Variants in USP49 observed in about 807,000 individuals in gnomAD.
The protein encoded by USP49 is ubiquitin specific peptidase 49.
USP49 carries 24 observed loss-of-function variants against 58.6 expected under a neutral mutation model. The observed-to-expected ratio is 0.41, with a 90% CI of 0.30 to 0.58. The LOEUF is 0.58. Ranked by LOEUF, USP49 falls within the 20% of genes least tolerant of loss-of-function variation. The pLI is 0.30. For synonymous variants in USP49, 408 were observed against 365.1 expected, an observed-to-expected ratio of 1.12 and a Z score of -1.34; for missense variants, 703 against 866.1, an observed-to-expected ratio of 0.81 and a Z score of 2.36.
At chr6:41,809,440 G>A (rs1376430651) in intron 3 of USP49, among the ~76,000 whole-genome samples, 2 of 151,918 alleles carry the variant, frequency 1.3e-5, no homozygotes, top group East Asian at 2.0e-4. Context: ...CAGGCGAATC[G>A]CTAGAACCTA....
Position 41,795,353 on chromosome 6 carries a change from G to GA in USP49, c.*1179dup, listed in dbSNP as rs1180874917. ...AAGATGTATTTTACTAGCACTGGGGGAAAGGACGGGGCACTCTTGTTTTTT... is the reference window on the plus strand; with the variant it reads ...AAGATGTATTTTACTAGCACTGGGGGAAAAGGACGGGGCACTCTTGTTTTTT... On this transcript the variant is annotated 3_prime_UTR_variant, in exon 8 of 8. Transcript: ENST00000682992. 2.6e-5 allele frequency: 4 copies of GA among 152,230 alleles called. No individual in the cohort carries two copies. The highest frequency in any genetic ancestry group is 6.5e-5 in the Admixed American group (1 of 15,280). The allele number at this position is 152,230 out of a possible 1,614,324, so 9.4% of individuals were successfully genotyped here.
intron 2 of USP49, among the ~76,000 whole-genome samples, chr6:41,877,301 G>A (rs1053900641): frequency 3.3e-5 from 5 of 152,270 alleles, no homozygotes; most frequent in African/African-American, 1.2e-4. Flanking sequence ...GAATAATCTA[G>A]GTGGTAAAAA....
intron 3 of USP49, among the ~76,000 whole-genome samples, chr6:41,831,963 G>A (rs1489896303): frequency 6.6e-6 from 1 of 152,134 alleles, no homozygotes; most frequent in Non-Finnish European, 1.5e-5. Context: ...TCAAAAGCCA[G>A]CTTAGGTCCT....
In USP49 at chr6:41,805,609, A is replaced by C; in HGVS notation, c.1356+19T>G. 6.3e-7 allele frequency: 1 copy of C among 1,594,586 alleles called. No individual in the cohort carries two copies. Among genetic ancestry groups the C allele is most frequent in the Non-Finnish European group, 8.6e-7 (1 of 1,166,982 alleles). ...GCTAACATACAAGCCTCTCATTGTC[A>C]TGGTAGGCACACACATACCTGACTG... On this transcript the variant is annotated intron_variant, in intron 4 of 7. Coordinates refer to ENST00000682992, the MANE Select transcript of USP49 (RefSeq NM_001286554.2).
intron 3 of USP49, among the ~76,000 whole-genome samples, chr6:41,841,097 A>T (rs1282839719): frequency 6.6e-6 from 1 of 151,970 alleles, no homozygotes; most frequent in Non-Finnish European, 1.5e-5. Flanking sequence ...AGTATTTCCC[A>T]TAGGCCCCAT....
chr6:41,822,129 A>G (rs193224169), intron 3 of USP49, among the ~76,000 whole-genome samples: 2 of 152,342 alleles, frequency 1.3e-5, no homozygotes, highest in East Asian at 1.9e-4. Context: ...GTTAACTACC[A>G]AAAGTATTTT....
At chr6:41,857,373 G>T (rs12209885) in intron 3 of USP49, among the ~76,000 whole-genome samples, 37,671 of 152,034 alleles carry the variant, frequency 0.25, 4,882 homozygotes, top group African/African-American at 0.3. Context: ...ATCTGGGCGC[G>T]GTGGCTCATG....
At chr6:41,821,719 A>G (rs1375675012) in intron 3 of USP49, among the ~76,000 whole-genome samples, 1 of 152,192 alleles carries the variant, frequency 6.6e-6, no homozygotes, top group Admixed American at 6.5e-5. Context: ...GGTTGCAGTG[A>G]GCCGAGATCG....
At chr6:41,865,194 G>A (rs536200312) in intron 3 of USP49, among the ~76,000 whole-genome samples, 4 of 151,958 alleles carry the variant, frequency 2.6e-5, no homozygotes, top group Non-Finnish European at 5.9e-5. Context: ...ACAGGCACCC[G>A]CCATCATGCC....
At chr6:41,893,106 G>A (rs892178070) in intron 1 of USP49, among the ~76,000 whole-genome samples, 1 of 152,124 alleles carries the variant, frequency 6.6e-6, no homozygotes, top group Admixed American at 6.5e-5. Flanking sequence ...CAAAGACCAA[G>A]CTTGCTGCAG....
intron 3 of USP49, among the ~76,000 whole-genome samples, chr6:41,822,623 G>A (rs534505693): frequency 2.8e-4 from 43 of 152,074 alleles, no homozygotes; most frequent in Non-Finnish European, 4.3e-4. Context: ...CGACGTGGGC[G>A]GATCACGAGG....
Position 41,792,512 on chromosome 6 carries a change from T to C in USP49, c.*4021A>G, listed in dbSNP as rs562580548. 1.0e-5 allele frequency: 1 copy of C among 95,396 alleles called. No individual in the cohort carries two copies. Among genetic ancestry groups the C allele is most frequent in the South Asian group, 4.2e-4 (1 of 2,368 alleles). The allele number at this position is 95,396 out of a possible 1,614,324, so 5.9% of individuals were successfully genotyped here. A position where few individuals can be genotyped will look rare whatever the true frequency, so the allele number is the denominator to read the frequency against. On this transcript the variant is annotated 3_prime_UTR_variant, in exon 8 of 8. Transcript: ENST00000682992. ...ACCTCAGATAGGGATATAGTATTCA[T>C]TTAAGAAGGGGTAGCCCCCCAGCCT...
Position 41,808,026 on chromosome 6 carries a change from C to G in USP49, c.-28-1015G>C, listed in dbSNP as rs1773174526. Among the ~76,000 whole-genome samples the G allele has an allele frequency of 1.3e-5, 2 of 152,186 alleles. 1 individual carries two copies. Among genetic ancestry groups the G allele is most frequent in the South Asian group, 4.1e-4 (2 of 4,828 alleles). On this transcript the variant is annotated intron_variant, in intron 3 of 7. Coordinates refer to ENST00000682992, the MANE Select transcript of USP49 (RefSeq NM_001286554.2). Reference sequence around the variant, plus strand: ...CTACTGACCTAAATGATCTGCCCGCCTCAGCCTCCTAAAGTGCTGGGAATA... The same window carrying G: ...CTACTGACCTAAATGATCTGCCCGCGTCAGCCTCCTAAAGTGCTGGGAATA...
chr6:41,864,937 C>G (rs370149648), intron 3 of USP49, among the ~76,000 whole-genome samples: 1 of 151,952 alleles, frequency 6.6e-6, no homozygotes, highest in Non-Finnish European at 1.5e-5. Flanking sequence ...GAACAACTCA[C>G]CAGGCAAAGA....
At chr6:41,827,675 CAAAAA>C (rs373056101) in intron 3 of USP49, among the ~76,000 whole-genome samples, 7 of 92,326 alleles carry the variant, frequency 7.6e-5, no homozygotes, top group Non-Finnish European at 1.3e-4. Context: ...ACTCTGTCTC[CAAAAA>C]AAAAAAAAAA....
At chr6:41,873,919 C>G (rs560865970) in intron 2 of USP49, among the ~76,000 whole-genome samples, 1 of 152,236 alleles carries the variant, frequency 6.6e-6, no homozygotes, top group African/African-American at 2.4e-5. Context: ...CCACTTATAT[C>G]ATTTACACTA....
chr6:41,848,582 G>A (rs1268656158), intron 3 of USP49, among the ~76,000 whole-genome samples: 2 of 151,924 alleles, frequency 1.3e-5, no homozygotes, highest in Non-Finnish European at 2.9e-5. Context: ...TCCCTGGCCG[G>A]GTGCAGTGGC....
At chr6:41,860,632 T>C (rs1003000712) in intron 3 of USP49, among the ~76,000 whole-genome samples, 3 of 151,726 alleles carry the variant, frequency 2.0e-5, no homozygotes, top group Non-Finnish European at 4.4e-5. Context: ...CTCAGCCTCC[T>C]GAGTAGCTGG....
chr6:41,860,283 GAA>G lies in USP49; in HGVS notation c.-29+11279_-29+11280del, dbSNP rs140601409. 8.1e-3 allele frequency among the ~76,000 whole-genome samples: 1,226 copies of G among 151,418 alleles called. 20 individuals are homozygous for G. Among genetic ancestry groups the G allele is most frequent in the African/African-American group, 0.028 (1,160 of 41,218 alleles). On this transcript the variant is annotated intron_variant, in intron 3 of 7. Transcript: ENST00000682992. ...AGAGAGGGAGGGAGGGAGAGAGAGA[GAA>G]AGAGAGAGAGAGAGGAGGTGAGGCA...
Sources: gnomAD v4.1 joint callset for allele counts (sites outside exome capture counted in the v4.1 genomes callset) on GRCh38, gnomAD v4.1.1 for gene constraint, MANE v1.5 for transcripts, NCBI Gene and HGNC (gene_info 2026-07-23, HGNC 2026-07-21) for gene names.